The following PSMA8 variants were observed in gnomAD, a reference collection of about 807,000 sequenced individuals.
The protein encoded by PSMA8 is proteasome subunit alpha-type 8.
PSMA8 carries 18 observed loss-of-function variants against 32.4 expected under a neutral mutation model. The observed-to-expected ratio is 0.56, with a 90% confidence interval of 0.38 to 0.82. The LOEUF is 0.82. Ranked by LOEUF, PSMA8 falls within the 40% of genes least tolerant of loss-of-function variation. The pLI is 0.00. For missense variants in PSMA8, 298 were observed against 300.7 expected (o/e 0.99, Z 0.07); for synonymous variants, 104 against 98.1 (o/e 1.06, Z -0.36).
chr18:26,152,298 TTTTTTGTTTTGTTTTTTG>T (rs976048342), intron 3 of PSMA8, among the ~76,000 whole-genome samples: 2 of 152,036 alleles, frequency 1.3e-5, no homozygotes, highest in African/African-American at 4.8e-5. Flanking sequence ...GAGAAGTACC[TTTTTTGTTTTGTTTTTTG>T]TTTTTGTTTT....
At chr18:26,187,744 A>G (rs1351101948) in intron 6 of PSMA8, among the ~76,000 whole-genome samples, 1 of 152,198 alleles carries the variant, frequency 6.6e-6, no homozygotes. Flanking sequence ...ACAGTCTTAA[A>G]TATATATGCA....
intron 6 of PSMA8, among the ~76,000 whole-genome samples, chr18:26,180,946 C>T (rs1487428743): frequency 2.0e-5 from 3 of 152,144 alleles, no homozygotes; most frequent in Non-Finnish European, 4.4e-5. Flanking sequence ...CAGTTTTCTT[C>T]CCTATAAAAT....
intron 3 of PSMA8, among the ~76,000 whole-genome samples, chr18:26,157,908 T>C (rs1359479028): frequency 1.3e-5 from 2 of 152,190 alleles, no homozygotes; most frequent in Non-Finnish European, 2.9e-5. Flanking sequence ...TATATGTAAA[T>C]AAACTTCTGA....
chr18:26,173,713 C>T (rs967401253), intron 4 of PSMA8, among the ~76,000 whole-genome samples: 16 of 152,044 alleles, frequency 1.1e-4, no homozygotes, highest in Non-Finnish European at 5.9e-5. Flanking sequence ...TGTGCCACCA[C>T]GCCTGGCTAA....
intron 1 of PSMA8, among the ~76,000 whole-genome samples, chr18:26,136,343 C>T (rs1382870160): frequency 6.6e-6 from 1 of 152,088 alleles, no homozygotes; most frequent in Non-Finnish European, 1.5e-5. Context: ...TCATTTTGTC[C>T]TTTCTGTGAC....
intron 6 of PSMA8, among the ~76,000 whole-genome samples, chr18:26,182,747 T>C (rs148781722): frequency 6.6e-6 from 1 of 152,266 alleles, no homozygotes; most frequent in East Asian, 1.9e-4. Flanking sequence ...GAAGAATTGC[T>C]AGAGGCTAGA....
At chr18:26,155,098 G>T (rs1183949091) in intron 3 of PSMA8, among the ~76,000 whole-genome samples, 1 of 152,074 alleles carries the variant, frequency 6.6e-6, no homozygotes. Context: ...AGCTGGATGT[G>T]GTGGTGCGCA....
intron 3 of PSMA8, among the ~76,000 whole-genome samples, chr18:26,157,612 G>T (rs1397434748): frequency 1.3e-5 from 2 of 152,186 alleles, no homozygotes; most frequent in East Asian, 3.9e-4. Flanking sequence ...TTCTTGTTTT[G>T]GGAATGAAAG....
chr18:26,171,598 G>A (rs1401856608), intron 4 of PSMA8, among the ~76,000 whole-genome samples: 1 of 152,164 alleles, frequency 6.6e-6, no homozygotes, highest in Non-Finnish European at 1.5e-5. Flanking sequence ...GCCGGGCTTG[G>A]TGGCAAATGC....
rs75374437 is a variant in PSMA8 at position 26,137,809 on chromosome 18, G to A, written c.102+3742G>A. 4.8e-3 allele frequency among the ~76,000 whole-genome samples: 725 copies of A among 152,250 alleles called. 30 individuals are homozygous for A. The East Asian group carries it at 0.11, about 23-fold the overall frequency. ...TACATAAATAGTCCTAAGAAAACCC[G>A]AATGAGTATTAGAGTATGAGGCACT... On this transcript the variant is annotated intron_variant, in intron 1 of 6. Coordinates refer to ENST00000415576, the MANE Select transcript of PSMA8 (RefSeq NM_001025096.2).
chr18:26,155,005 A>G (rs1293075082), intron 3 of PSMA8, among the ~76,000 whole-genome samples: 5 of 152,104 alleles, frequency 3.3e-5, no homozygotes, highest in African/African-American at 4.8e-5. Flanking sequence ...AGGTGGGCAG[A>G]TCACTTGAGC....
chr18:26,163,449 C>T (rs2055155193), intron 4 of PSMA8, among the ~76,000 whole-genome samples: 1 of 151,840 alleles, frequency 6.6e-6, no homozygotes, highest in Non-Finnish European at 1.5e-5. Flanking sequence ...AATCCCAAGG[C>T]AGTAGCATGT....
intron 6 of PSMA8, among the ~76,000 whole-genome samples, chr18:26,183,334 G>A (rs1454518300): frequency 6.0e-5 from 9 of 150,222 alleles, no homozygotes; most frequent in African/African-American, 1.5e-4. Context: ...AGAGGTTGCC[G>A]TGAGCCAAGA....
At chr18:26,185,002 C>T (rs1598673075) in intron 6 of PSMA8, among the ~76,000 whole-genome samples, 1 of 146,118 alleles carries the variant, frequency 6.8e-6, no homozygotes, top group Non-Finnish European at 1.5e-5. Context: ...GCAGGAGAAT[C>T]GCTTGAACCG....
rs1235023171 is a variant in PSMA8 at position 26,168,503 on chromosome 18, T to G, written c.477+10259T>G. On this transcript the variant is annotated intron_variant, in intron 4 of 6. Coordinates refer to ENST00000415576, the MANE Select transcript of PSMA8 (RefSeq NM_001025096.2). The stretch of plus-strand genomic sequence containing the variant: ...CTTTCCCCTTGTTTTTTTTTTTTTT[T>G]TTTTTTTACTTTTGCTTTATCTTCA... Among the ~76,000 whole-genome samples, 6 of 124,774 alleles carry G rather than the reference T, an allele frequency of 4.8e-5. 1 individual carries two copies. The highest frequency in any genetic ancestry group is 2.3e-4 in the East Asian group (1 of 4,292). 81.9% of individuals were successfully genotyped at this position (124,774 alleles called of 152,430 possible).
chr18:26,189,314 G>A (rs1159251617), intron 6 of PSMA8, among the ~76,000 whole-genome samples: 1 of 152,114 alleles, frequency 6.6e-6, no homozygotes, highest in Non-Finnish European at 1.5e-5. Context: ...GATCACTTGA[G>A]CCTAGGAGTT....
intron 4 of PSMA8, among the ~76,000 whole-genome samples, chr18:26,175,328 G>C (rs2055255425): frequency 6.6e-6 from 1 of 152,168 alleles, no homozygotes; most frequent in Admixed American, 6.6e-5. Flanking sequence ...ATTGGTATCA[G>C]CATTTGTTGA....
chr18:26,170,462 G>A (rs530316774), intron 4 of PSMA8, among the ~76,000 whole-genome samples: 3 of 131,032 alleles, frequency 2.3e-5, no homozygotes, highest in African/African-American at 4.2e-5. Flanking sequence ...GGACTGGCAA[G>A]AGTGCCACAT....
chr18:26,177,200 C>T (rs1037085500), intron 4 of PSMA8, among the ~76,000 whole-genome samples: 2 of 152,084 alleles, frequency 1.3e-5, no homozygotes, highest in African/African-American at 4.8e-5. Context: ...CTGATTTTGT[C>T]CCACCTAAAA....
Sources: allele counts gnomAD v4.1 joint callset (sites outside exome capture counted in the v4.1 genomes callset), GRCh38; gene constraint gnomAD v4.1.1; transcripts MANE v1.5; gene names NCBI Gene and HGNC (gene_info 2026-07-23, HGNC 2026-07-21).